PRKACB: variants seen among roughly 807,000 people sequenced by gnomAD.
PRKACB encodes the protein protein kinase cAMP-activated catalytic subunit beta.
PRKACB carries 16 observed loss-of-function variants against 51.4 expected under a neutral mutation model. That is an observed-to-expected ratio of 0.31 (90% CI 0.21 to 0.47). The LOEUF is 0.47. PRKACB is among the 20% of genes least tolerant of loss of function. The pLI, the probability that PRKACB is intolerant of heterozygous loss-of-function variation, is 1.00. For missense variants in PRKACB, 309 were observed against 464.5 expected (o/e 0.67, Z 3.08); for synonymous variants, 147 against 154.4 (o/e 0.95, Z 0.35).
At chr1:84,188,130 A>G (rs1003989987) in intron 5 of PRKACB, among the ~76,000 whole-genome samples, 4 of 152,118 alleles carry the variant, frequency 2.6e-5, no homozygotes, top group Admixed American at 2.0e-4. Context: ...ACAAAAATAT[A>G]CTTTACCAAA....
chr1:84,167,314 A>G (rs1017856567), intron 1 of PRKACB, among the ~76,000 whole-genome samples: 3 of 151,652 alleles, frequency 2.0e-5, no homozygotes, highest in African/African-American at 7.2e-5. Flanking sequence ...TAAACTCCTT[A>G]TTAGGTCACA....
intron 9 of PRKACB, among the ~76,000 whole-genome samples, chr1:84,227,065 A>G (rs1402532533): frequency 6.6e-6 from 1 of 152,154 alleles, no homozygotes; most frequent in East Asian, 1.9e-4. Flanking sequence ...TCTATTTGCC[A>G]AAATTTTATT....
At chr1:84,101,313 TCTATG>T (rs1053437363) in intron 1 of PRKACB, among the ~76,000 whole-genome samples, 6 of 152,182 alleles carry the variant, frequency 3.9e-5, no homozygotes, top group African/African-American at 1.4e-4. Context: ...ACCCAAATTA[TCTATG>T]GTAATCTCCT....
chr1:84,166,390 T>A (rs1657488255), intron 1 of PRKACB, among the ~76,000 whole-genome samples: 1 of 151,708 alleles, frequency 6.6e-6, no homozygotes, highest in African/African-American at 2.4e-5. Flanking sequence ...CACCATGGTG[T>A]TCTGGAGGTT....
At chr1:84,147,091 ATGCTGAC>A (rs1654202636) in intron 1 of PRKACB, among the ~76,000 whole-genome samples, 1 of 152,068 alleles carries the variant, frequency 6.6e-6, no homozygotes, top group African/African-American at 2.4e-5. Context: ...GAGTTATACA[ATGCTGAC>A]TTAATGAAGG....
intron 1 of PRKACB, among the ~76,000 whole-genome samples, chr1:84,087,158 A>G (rs1407046585): frequency 6.6e-6 from 1 of 152,270 alleles, no homozygotes; most frequent in East Asian, 1.9e-4. Context: ...TAGCAGAACC[A>G]GAGAAAGTTT....
chr1:84,226,013 C>T (rs1674531307), intron 9 of PRKACB, among the ~76,000 whole-genome samples: 1 of 152,140 alleles, frequency 6.6e-6, no homozygotes, highest in Non-Finnish European at 1.5e-5. Context: ...GAAGCCCTGA[C>T]CTTTATTTTT....
At chr1:84,205,093 AT>A in intron 8 of PRKACB, 1 of 982,246 alleles carries the variant, frequency 1.0e-6, no homozygotes, top group African/African-American at 1.7e-5. Flanking sequence ...ATGACAGGAT[AT>A]TTGGTGTACT....
chr1:84,197,861 A>G (rs779118842), intron 7 of PRKACB, 37 bp downstream of exon 7: 1 of 1,419,158 alleles, frequency 7.0e-7, no homozygotes, highest in Non-Finnish European at 9.9e-7. Context: ...AAGTAGAAAT[A>G]TGAGACATGC....
At chr1:84,175,815 C>A in intron 1 of PRKACB, 2 of 1,561,636 alleles carry the variant, frequency 1.3e-6, no homozygotes, top group South Asian at 2.4e-5. Flanking sequence ...TTGGTATGCT[C>A]ATTTCCTTTA....
intron 1 of PRKACB, among the ~76,000 whole-genome samples, chr1:84,110,968 T>C (rs1342793235): frequency 6.6e-6 from 1 of 152,054 alleles, no homozygotes; most frequent in East Asian, 1.9e-4. Flanking sequence ...TGTCCCTTCA[T>C]TTCTAATTTC....
intron 1 of PRKACB, among the ~76,000 whole-genome samples, chr1:84,088,593 C>T (rs768277081): frequency 3.5e-4 from 53 of 152,312 alleles, no homozygotes; most frequent in Middle Eastern, 3.4e-3. Context: ...AATCTTAGCT[C>T]AGCTCCCTCT....
At chr1:84,124,079 G>C (rs1651338666) in intron 1 of PRKACB, among the ~76,000 whole-genome samples, 1 of 151,992 alleles carries the variant, frequency 6.6e-6, no homozygotes, top group African/African-American at 2.4e-5. Flanking sequence ...AAAAAGCTAT[G>C]GTATCTTGAA....
intron 9 of PRKACB, among the ~76,000 whole-genome samples, chr1:84,228,808 T>G (rs1384667326): frequency 6.6e-6 from 1 of 152,104 alleles, no homozygotes; most frequent in Non-Finnish European, 1.5e-5. Context: ...AGAAAAGAAT[T>G]TTTACAAGAG....
At chr1:84,207,609 T>A (rs975719609) in intron 8 of PRKACB, among the ~76,000 whole-genome samples, 12 of 152,242 alleles carry the variant, frequency 7.9e-5, no homozygotes, top group African/African-American at 2.9e-4. Flanking sequence ...TATCTCAACA[T>A]GCTCGTAGCC....
At chr1:84,187,679 G>T (rs1396893865) in intron 5 of PRKACB, among the ~76,000 whole-genome samples, 2 of 152,038 alleles carry the variant, frequency 1.3e-5, no homozygotes, top group East Asian at 1.9e-4. Flanking sequence ...CTAGTCTATA[G>T]GTAGATAACA....
upstream of PRKACB, among the ~76,000 whole-genome samples, chr1:84,139,359 G>T (rs1653153001): frequency 6.6e-6 from 1 of 152,170 alleles, no homozygotes; most frequent in African/African-American, 2.4e-5. Context: ...TAGTAGCAAT[G>T]CACAATGTAT....
chr1:84,166,294 G>A (rs1480738515), intron 1 of PRKACB, among the ~76,000 whole-genome samples: 1 of 151,552 alleles, frequency 6.6e-6, no homozygotes, highest in Admixed American at 6.6e-5. Flanking sequence ...AATATACCTG[G>A]TTGTCATACA....
intron 1 of PRKACB, among the ~76,000 whole-genome samples, chr1:84,116,746 A>T (rs1385619676): frequency 1.3e-5 from 2 of 152,114 alleles, no homozygotes; most frequent in African/African-American, 4.8e-5. Flanking sequence ...TAGGTATAAG[A>T]TCATATCATC....
Sources: allele counts gnomAD v4.1 joint callset (sites outside exome capture counted in the v4.1 genomes callset), GRCh38; gene constraint gnomAD v4.1.1; transcripts MANE v1.5; gene names NCBI Gene and HGNC (gene_info 2026-07-23, HGNC 2026-07-21).